The following ZNF423 variants were observed in gnomAD, a reference collection of about 807,000 sequenced individuals.
ZNF423 encodes zinc finger protein 423, also known as Ebf-associated zinc finger protein.
In ZNF423, 12 loss-of-function variants were observed where a neutral mutation model predicts 95.8. That is an observed-to-expected ratio of 0.13 (90% CI 0.08 to 0.20). ZNF423 has a LOEUF of 0.20. ZNF423 is among the 10% of genes least tolerant of loss of function. ZNF423 has a pLI of 1.00. For missense variants in ZNF423, 1,316 were observed against 1,737.1 expected (o/e 0.76, Z 4.31); for synonymous variants, 749 against 711.9 (o/e 1.05, Z -0.83).
chr16:49,784,196 C>T (rs1365100503), intron 2 of ZNF423, among the ~76,000 whole-genome samples: 5 of 152,078 alleles, frequency 3.3e-5, no homozygotes, highest in African/African-American at 9.7e-5. Context: ...AGCAATTCCA[C>T]GCCTACAAAC....
At chr16:49,763,216 A>C (rs1168349439) in intron 2 of ZNF423, among the ~76,000 whole-genome samples, 1 of 152,126 alleles carries the variant, frequency 6.6e-6, no homozygotes, top group African/African-American at 2.4e-5. Flanking sequence ...AAACTGGGTG[A>C]CAGCAGGTAT....
upstream of ZNF423, among the ~76,000 whole-genome samples, chr16:49,857,397 G>A (rs1285233688): frequency 6.6e-6 from 1 of 151,666 alleles, no homozygotes; most frequent in Non-Finnish European, 1.5e-5. This position sits in a 1 kb window ranked among gnomAD's most constrained non-coding sequence, Gnocchi z 6.2. Flanking sequence ...TGCACCGGGG[G>A]CAGGAGGAGG....
At chr16:49,769,340 A>C (rs1280269026) in intron 2 of ZNF423, among the ~76,000 whole-genome samples, 1 of 149,982 alleles carries the variant, frequency 6.7e-6, no homozygotes, top group Admixed American at 6.7e-5. Flanking sequence ...GGGCAACAGA[A>C]TGAGACTCTG....
chr16:49,574,990 C>T (rs939030498), intron 5 of ZNF423, among the ~76,000 whole-genome samples: 6 of 152,258 alleles, frequency 3.9e-5, no homozygotes, highest in South Asian at 4.2e-4. Context: ...CCCAGATGCC[C>T]GGCCCTGCCC....
chr16:49,661,930 T>C (rs1018273119), intron 3 of ZNF423, among the ~76,000 whole-genome samples: 1 of 152,204 alleles, frequency 6.6e-6, no homozygotes, highest in African/African-American at 2.4e-5. Context: ...CCTCGGGTTG[T>C]GCACAGGATG....
intron 2 of ZNF423, among the ~76,000 whole-genome samples, chr16:49,748,842 A>T (rs2033576976): frequency 6.6e-6 from 1 of 152,172 alleles, no homozygotes; most frequent in South Asian, 2.1e-4. Flanking sequence ...AGGGTGGTAG[A>T]AGAGGGGTTC....
At chr16:49,524,102 G>A (rs541764705) in intron 6 of ZNF423, among the ~76,000 whole-genome samples, 25 of 152,222 alleles carry the variant, frequency 1.6e-4, no homozygotes, top group African/African-American at 3.1e-4. Context: ...TGTCTTCCTC[G>A]TCCCCATCAT....
chr16:49,679,908 A>C lies in ZNF423; in HGVS notation c.302-41034T>G, dbSNP rs187782159. On this transcript the variant is annotated intron_variant, in intron 3 of 7. Coordinates refer to ENST00000563137, the MANE Select transcript of ZNF423 (RefSeq NM_001379286.1). Reference sequence around the variant, plus strand: ...CTTCCTCCCTTCTGAAGCCCATTACACCAGACTCAGCCAGACTCACAGAGA... The same window carrying C: ...CTTCCTCCCTTCTGAAGCCCATTACCCCAGACTCAGCCAGACTCACAGAGA... 1.3e-4 allele frequency among the ~76,000 whole-genome samples: 20 copies of C among 152,274 alleles called. No homozygotes were observed. The East Asian group carries it at 3.9e-3, about 29-fold the overall frequency.
At chr16:49,752,882 A>G (rs1391283109) in intron 2 of ZNF423, among the ~76,000 whole-genome samples, 1 of 152,204 alleles carries the variant, frequency 6.6e-6, no homozygotes, top group Admixed American at 6.5e-5. Context: ...GTGCCAGGCA[A>G]TGTCCTGGGC....
At chr16:49,587,717 A>C (rs147354040) in intron 5 of ZNF423, among the ~76,000 whole-genome samples, 1 of 152,112 alleles carries the variant, frequency 6.6e-6, no homozygotes, top group Non-Finnish European at 1.5e-5. Flanking sequence ...AAAGTCATCA[A>C]CTTCTACAAT....
chr16:49,626,059 C>T lies in ZNF423; in HGVS notation c.3601+111G>A. On this transcript the variant is annotated intron_variant, in intron 5 of 7. Coordinates refer to ENST00000563137, the MANE Select transcript of ZNF423 (RefSeq NM_001379286.1). ...CCCATGTGCAATGTCTCAGAAACAGCAGCAGTGACTCTGTCCTTTGGCCTA... is the reference window on the plus strand; with the variant it reads ...CCCATGTGCAATGTCTCAGAAACAGTAGCAGTGACTCTGTCCTTTGGCCTA... 4 of 1,026,184 alleles carry T rather than the reference C, an allele frequency of 3.9e-6. No homozygotes were observed. The South Asian group carries it at 5.4e-5, about 14-fold the overall frequency. The allele number at this position is 1,026,184 out of a possible 1,614,324, so 63.6% of individuals were successfully genotyped here.
At chr16:49,494,858 G>C (rs962374677) in intron 7 of ZNF423, among the ~76,000 whole-genome samples, 2 of 152,250 alleles carry the variant, frequency 1.3e-5, no homozygotes, top group African/African-American at 4.8e-5. Flanking sequence ...GAGGAACGTG[G>C]GGAGGTTCAG....
intron 5 of ZNF423, among the ~76,000 whole-genome samples, chr16:49,541,224 C>T (rs1218478340): frequency 6.6e-6 from 1 of 152,250 alleles, no homozygotes; most frequent in African/African-American, 2.4e-5. Context: ...CACACAGTGG[C>T]ACTCAGCCAA....
Position 49,815,852 on chromosome 16 carries a change from A to C in ZNF423, c.41-26306T>G, listed in dbSNP as rs192380522. On this transcript the variant is annotated intron_variant, in intron 1 of 7. Coordinates refer to ENST00000563137, the MANE Select transcript of ZNF423 (RefSeq NM_001379286.1). Reference sequence around the variant, plus strand: ...TACTTTCCTGAATTTTAAGTGTTACATTCTAATTCCAAACAAACAAAAAAA... The same window carrying C: ...TACTTTCCTGAATTTTAAGTGTTACCTTCTAATTCCAAACAAACAAAAAAA... Among the ~76,000 whole-genome samples, 696 of 120,458 alleles carry C rather than the reference A, an allele frequency of 5.8e-3. 9 individuals are homozygous for C. Among genetic ancestry groups the C allele is most frequent in the African/African-American group, 0.023 (683 of 29,318 alleles). 79.0% of individuals were successfully genotyped at this position (120,458 alleles called of 152,430 possible). A position where few individuals can be genotyped will look rare whatever the true frequency, so the allele number is the denominator to read the frequency against.
At chr16:49,722,535 C>T (rs1475975862) in intron 3 of ZNF423, among the ~76,000 whole-genome samples, 1 of 152,232 alleles carries the variant, frequency 6.6e-6, no homozygotes, top group Non-Finnish European at 1.5e-5. Flanking sequence ...TAAAGAAACA[C>T]TTATTGTATG....
chr16:49,529,961 GAGA>G (rs1597057886), intron 5 of ZNF423, among the ~76,000 whole-genome samples: 1 of 152,064 alleles, frequency 6.6e-6, no homozygotes, highest in African/African-American at 2.4e-5. Context: ...ACCTGTCTAG[GAGA>G]AGACCAATGA....
chr16:49,788,163 G>A (rs932157499), intron 2 of ZNF423, among the ~76,000 whole-genome samples: 2 of 152,152 alleles, frequency 1.3e-5, no homozygotes, highest in East Asian at 3.9e-4. Context: ...CTCTATGGAG[G>A]AAGCCCCTGT....
At chr16:49,667,708 C>T (rs561227193) in intron 3 of ZNF423, among the ~76,000 whole-genome samples, 32 of 152,270 alleles carry the variant, frequency 2.1e-4, no homozygotes, top group African/African-American at 6.7e-4. Flanking sequence ...ATAGCAAGAC[C>T]CTATGTTTAC....
rs868470364 is a variant in ZNF423 at position 49,507,491 on chromosome 16, G to A, written c.3849+16133C>T. 7.2e-5 allele frequency among the ~76,000 whole-genome samples: 11 copies of A among 152,026 alleles called. No homozygotes were observed. In the South Asian group the frequency reaches 8.3e-4, roughly 11 times the overall value. On this transcript the variant is annotated intron_variant, in intron 7 of 7. Transcript: ENST00000563137. ...GCAAAGATGAGGAAACAAAGATGGCGCCACAGGTCAGGGCTGCAGCTGTCT... is the reference window on the plus strand; with the variant it reads ...GCAAAGATGAGGAAACAAAGATGGCACCACAGGTCAGGGCTGCAGCTGTCT...
Sources: gnomAD v4.1 joint callset for allele counts (sites outside exome capture counted in the v4.1 genomes callset) on GRCh38, gnomAD v4.1.1 for gene constraint, Gnocchi (gnomAD v3.1) non-coding constraint, MANE v1.5 for transcripts, NCBI Gene and HGNC (gene_info 2026-07-23, HGNC 2026-07-21) for gene names.